Variants in SUN1 observed in about 807,000 individuals in gnomAD.
SUN1 encodes the protein Sad1 and UNC84 domain containing 1, also known as SUN domain-containing protein 1.
A neutral mutation model predicts 103.2 loss-of-function variants in SUN1; 61 were observed. The observed-to-expected ratio is 0.59, with a 90% CI of 0.48 to 0.73. The LOEUF (loss-of-function observed/expected upper bound fraction) is 0.73. Ranked by LOEUF, SUN1 falls within the 30% of genes least tolerant of loss-of-function variation. The probability of loss-of-function intolerance (pLI) is 0.00; values close to 1 mark genes in which losing one functional copy is unlikely to be tolerated. For synonymous variants in SUN1, 490 were observed against 425.7 expected (o/e 1.15, Z -1.86); for missense variants, 1,052 against 1,034.6 (o/e 1.02, Z -0.23).
At chr7:837,979 C>T (rs1375877831) in intron 1 of SUN1, among the ~76,000 whole-genome samples, 1 of 152,266 alleles carries the variant, frequency 6.6e-6, no homozygotes, top group Non-Finnish European at 1.5e-5. Flanking sequence ...CTTGTCCCCA[C>T]CTCAGCCTCT....
chr7:842,301 C>T (rs555165743), intron 3 of SUN1, among the ~76,000 whole-genome samples, 171 bp downstream of exon 3: 33 of 152,214 alleles, frequency 2.2e-4, no homozygotes, highest in Non-Finnish European at 4.4e-4. Context: ...GTAGGAGCAT[C>T]AGTTAGGTTC....
At chr7:852,452 C>T in intron 7 of SUN1, 157 bp from the exon 8 acceptor site, 1 of 795,634 alleles carries the variant, frequency 1.3e-6, no homozygotes, top group South Asian at 1.7e-5. Flanking sequence ...CATGAAGGTT[C>T]TCCTGAAGGC....
intron 16 of SUN1, chr7:868,490 G>GA (rs1245714134): frequency 3.3e-6 from 1 of 304,636 alleles, no homozygotes; most frequent in Admixed American, 4.7e-5. Flanking sequence ...ATGTTGGTCG[G>GA]ATGGGGGGGC....
upstream of SUN1, chr7:831,025 T>A (rs1797464643): frequency 1.0e-6 from 1 of 985,246 alleles, no homozygotes; most frequent in African/African-American, 1.7e-5. Context: ...TGTGCCGGGC[T>A]CCTCTGCGTG....
chr7:857,586 A>G (rs1023593848), intron 12 of SUN1, among the ~76,000 whole-genome samples: 4 of 152,154 alleles, frequency 2.6e-5, no homozygotes, highest in African/African-American at 4.8e-5. Flanking sequence ...ACTTTTGTAG[A>G]TAGCCTCCTT....
At chr7:871,600 G>C (rs920008337) in intron 17 of SUN1, among the ~76,000 whole-genome samples, 4 of 152,194 alleles carry the variant, frequency 2.6e-5, no homozygotes, top group African/African-American at 9.7e-5. Context: ...ATGTTGGCCA[G>C]GATGGTCTCA....
intron 1 of SUN1, among the ~76,000 whole-genome samples, chr7:825,114 A>G (rs1790334474): frequency 6.6e-6 from 1 of 151,616 alleles, no homozygotes; most frequent in South Asian, 2.1e-4. Context: ...GCTGGAGTGC[A>G]GTGGCACGAT....
In SUN1 at chr7:851,457, C is replaced by T. The variant is rs1296402515; in HGVS notation, c.732C>T (p.Ala244=). ...GQAVSRTAWS[A]LWLAVVAPGK... Reference sequence around the variant, plus strand: ...CTGTGTCCAGGACGGCGTGGTCGGCCCTTTGGCTGGCCGTGGTTGCTCCAG... The same window carrying T: ...CTGTGTCCAGGACGGCGTGGTCGGCTCTTTGGCTGGCCGTGGTTGCTCCAG... The change falls in exon 6 of 19, where the codon GCC becomes GCT. Residue 244 remains alanine, a synonymous_variant. Coordinates refer to ENST00000401592, the MANE Select transcript of SUN1 (RefSeq NM_001130965.3). 6 of 1,609,012 alleles carry T rather than the reference C, an allele frequency of 3.7e-6. No individual in the cohort carries two copies. The highest frequency in any genetic ancestry group is 4.2e-6 in the Non-Finnish European group (5 of 1,177,764).
chr7:832,701 A>G (rs878923036), intron 1 of SUN1, 100 bp downstream of exon 1: 11 of 883,400 alleles, frequency 1.2e-5, no homozygotes, highest in Non-Finnish European at 1.8e-5. Flanking sequence ...TACCGACTAC[A>G]TGCTGTATTT....
Position 873,976 on chromosome 7 carries a change from C to T in SUN1, c.*645C>T, listed in dbSNP as rs537397449. 7.9e-5 allele frequency: 12 copies of T among 152,416 alleles called. No individual in the cohort carries two copies. In the East Asian group the frequency reaches 2.3e-3, roughly 29 times the overall value. The allele number at this position is 152,416 out of a possible 1,614,324, so 9.4% of individuals were successfully genotyped here. On this transcript the variant is annotated 3_prime_UTR_variant, in exon 19 of 19. Coordinates refer to ENST00000401592, the MANE Select transcript of SUN1 (RefSeq NM_001130965.3). Reference sequence around the variant, plus strand: ...AGGAATATGGGAGCGTTTCGCTCTCCTTGTAGGCTGAAGTCAGTCTGACTT... The same window carrying T: ...AGGAATATGGGAGCGTTTCGCTCTCTTTGTAGGCTGAAGTCAGTCTGACTT...
At chr7:819,039 T>G (rs1235231298) in intron 1 of SUN1, among the ~76,000 whole-genome samples, 1 of 152,004 alleles carries the variant, frequency 6.6e-6, no homozygotes. Flanking sequence ...AATTTTGTAT[T>G]TTTAGTAGAG....
chr7:816,201 C>G (rs112489330), upstream of SUN1: 7,412 of 197,206 alleles, frequency 0.038, 135 homozygotes, highest in African/African-American at 0.058. Flanking sequence ...CCCCCAGGTG[C>G]AGACCCCTCC....
chr7:826,329 G>A (rs910258308), intron 1 of SUN1, among the ~76,000 whole-genome samples: 3 of 152,236 alleles, frequency 2.0e-5, no homozygotes, highest in Admixed American at 2.0e-4. Flanking sequence ...AAGGATGAGC[G>A]AAGATGAGGA....
In SUN1 at chr7:854,926, T is replaced by A. The variant is rs548117640; in HGVS notation, c.1270T>A (p.Phe424Ile). The A allele has an allele frequency of 1.2e-6, 2 of 1,612,756 alleles. No homozygotes were observed. Among genetic ancestry groups the A allele is most frequent in the Non-Finnish European group, 1.7e-6 (2 of 1,179,442 alleles). ...ACTCCTTCTCTTTCCTAAGACTGACTTTATGGCCTTTCACCAAGAACATGA... is the reference window on the plus strand; with the variant it reads ...ACTCCTTCTCTTTCCTAAGACTGACATTATGGCCTTTCACCAAGAACATGA... ...AVGQPPRETD[F>I]MAFHQEHEVR... The change falls in exon 11 of 19, where the codon TTT becomes ATT. Residue 424 changes from phenylalanine to isoleucine, a missense_variant. Around this residue, in one of 2 missense-constraint regions of SUN1, gnomAD observed 846 missense variants for 774.5 expected, o/e 1.09. Transcript: ENST00000401592.
chr7:869,213 T>G, intron 16 of SUN1, 136 bp from the exon 17 acceptor site: 1 of 1,077,302 alleles, frequency 9.3e-7, no homozygotes. Context: ...CCAGCTTATC[T>G]TCGGATTTTG....
At chr7:827,859 T>C (rs1794040127), upstream of SUN1, among the ~76,000 whole-genome samples, 1 of 152,174 alleles carries the variant, frequency 6.6e-6, no homozygotes, top group South Asian at 2.1e-4. Flanking sequence ...CTGTAAAAGG[T>C]AAATGGTATT....
intron 1 of SUN1, among the ~76,000 whole-genome samples, chr7:819,672 G>A (rs913495150): frequency 1.4e-5 from 2 of 146,890 alleles, no homozygotes; most frequent in African/African-American, 5.0e-5. Context: ...ACCCAGTTCT[G>A]TTCTGCAGGT....
chr7:817,325 G>T, intron 1 of SUN1: 1 of 1,183,546 alleles, frequency 8.4e-7, no homozygotes, highest in South Asian at 1.3e-5. Context: ...CTAGGCTCAA[G>T]CGATCCCCTC....
upstream of SUN1, chr7:816,516 T>C (rs1780543872): frequency 5.1e-5 from 16 of 313,204 alleles, no homozygotes; most frequent in South Asian, 3.4e-4. Flanking sequence ...CGCCTCGTCA[T>C]TGGCCAGAAC....
Sources: gnomAD v4.1 joint callset for allele counts (sites outside exome capture counted in the v4.1 genomes callset) on GRCh38, gnomAD v4.1.1 for gene constraint, gnomAD v4.1.1 regional missense constraint, MANE v1.5 for transcripts, NCBI Gene and HGNC (gene_info 2026-07-23, HGNC 2026-07-21) for gene names.